Variants in NALF1 observed in about 807,000 individuals in gnomAD.
NALF1 encodes NALCN channel auxiliary factor 1, also known as family with sequence similarity 155 member A.
A neutral mutation model predicts 48.4 loss-of-function variants in NALF1; 3 were observed. The ratio of observed to expected loss-of-function variants is 0.06; its 90% CI spans 0.03 to 0.16. The LOEUF is 0.16. NALF1 is among the 10% of genes least tolerant of loss of function. NALF1 has a pLI of 1.00. For missense variants in NALF1, 526 were observed against 571.5 expected, an observed-to-expected ratio of 0.92 and a Z score of 0.81; for synonymous variants, 262 against 245.7, an observed-to-expected ratio of 1.07 and a Z score of -0.62.
chr13:107,232,781 T>C (rs919785043), intron 1 of NALF1, among the ~76,000 whole-genome samples: 3 of 152,176 alleles, frequency 2.0e-5, no homozygotes, highest in African/African-American at 4.8e-5. Flanking sequence ...AAGCAAAAGA[T>C]AAAAAGAGCC....
chr13:107,659,912 T>C (rs915746328), intron 1 of NALF1, among the ~76,000 whole-genome samples: 1 of 151,838 alleles, frequency 6.6e-6, no homozygotes, highest in African/African-American at 2.4e-5. Context: ...TTTGTATTTT[T>C]AGTAGAGACG....
intron 1 of NALF1, among the ~76,000 whole-genome samples, chr13:107,236,354 A>T (rs1339285717): frequency 6.6e-6 from 1 of 152,072 alleles, no homozygotes; most frequent in African/African-American, 2.4e-5. Context: ...GTAACTTTCA[A>T]ATGTTCCAGA....
At chr13:107,545,405 C>T in intron 1 of NALF1, among the ~76,000 whole-genome samples, 1 of 152,162 alleles carries the variant, frequency 6.6e-6, no homozygotes, top group Non-Finnish European at 1.5e-5. Context: ...CCTTCAGAAG[C>T]AGGAGAGAAT....
At chr13:107,431,308 G>T in intron 1 of NALF1, among the ~76,000 whole-genome samples, 1 of 152,016 alleles carries the variant, frequency 6.6e-6, no homozygotes. Flanking sequence ...AAGATGAGTG[G>T]GTCTCTCCGT....
rs533479562 is a variant in NALF1 at position 107,348,517 on chromosome 13, C to A, written c.916-137762G>T. Among the ~76,000 whole-genome samples the A allele has an allele frequency of 2.0e-4, 31 of 152,134 alleles. 1 individual carries two copies. In the South Asian group the frequency reaches 6.2e-3, roughly 31 times the overall value. The stretch of plus-strand genomic sequence containing the variant: ...GGTATACATGTGCCATGGTGGCTTG[C>A]TGCACCTATCAACCTGTCGTCTAGG... On this transcript the variant is annotated intron_variant, in intron 1 of 2. Coordinates refer to ENST00000375915, the MANE Select transcript of NALF1 (RefSeq NM_001080396.3).
chr13:107,865,378 G>GA (rs1594321991), intron 1 of NALF1, among the ~76,000 whole-genome samples: 1 of 152,092 alleles, frequency 6.6e-6, no homozygotes. Flanking sequence ...TTTCTTAAAA[G>GA]ATGTAACAGA....
chr13:107,441,133 T>C (rs1450501436), intron 1 of NALF1, among the ~76,000 whole-genome samples: 5 of 152,168 alleles, frequency 3.3e-5, no homozygotes, highest in Non-Finnish European at 5.9e-5. Context: ...TTAAAAAATA[T>C]CAGACTGACT....
intron 1 of NALF1, among the ~76,000 whole-genome samples, chr13:107,533,308 T>C (rs1425045386): frequency 6.6e-6 from 1 of 152,082 alleles, no homozygotes; most frequent in Non-Finnish European, 1.5e-5. Context: ...CCTCCAAAAT[T>C]CATGTTAAAA....
intron 1 of NALF1, among the ~76,000 whole-genome samples, chr13:107,283,460 A>AT (rs1881428221): frequency 6.6e-6 from 1 of 151,096 alleles, no homozygotes; most frequent in Non-Finnish European, 1.5e-5. Context: ...TAAAAAAAAA[A>AT]ATTGGCAACA....
At chr13:107,662,840 T>C (rs774842192) in intron 1 of NALF1, among the ~76,000 whole-genome samples, 7 of 152,200 alleles carry the variant, frequency 4.6e-5, no homozygotes, top group East Asian at 1.9e-4. Context: ...ATGTTTACAA[T>C]TGAAAGACTA....
At chr13:107,855,744 A>G (rs1277028433) in intron 1 of NALF1, among the ~76,000 whole-genome samples, 3 of 152,334 alleles carry the variant, frequency 2.0e-5, no homozygotes, top group Middle Eastern at 3.4e-3. Flanking sequence ...ATACTTACCT[A>G]TGAGAATGTT....
chr13:107,344,950 A>G (rs963964745), intron 1 of NALF1, among the ~76,000 whole-genome samples: 1 of 152,176 alleles, frequency 6.6e-6, no homozygotes, highest in African/African-American at 2.4e-5. Flanking sequence ...CTACCAAAAA[A>G]ATTGTTAGAA....
intron 1 of NALF1, among the ~76,000 whole-genome samples, chr13:107,301,806 A>G (rs1279037045): frequency 6.6e-6 from 1 of 152,218 alleles, no homozygotes; most frequent in African/African-American, 2.4e-5. Flanking sequence ...AACAAAAACA[A>G]TAAGAAAAAC....
intron 1 of NALF1, among the ~76,000 whole-genome samples, chr13:107,636,382 A>G (rs9520532): frequency 0.59 from 89,692 of 151,554 alleles, 28,481 homozygotes; most frequent in East Asian, 0.99. Flanking sequence ...TACCAATACT[A>G]TAGAACTCAC....
intron 1 of NALF1, among the ~76,000 whole-genome samples, chr13:107,345,322 A>C (rs1882752900): frequency 6.6e-6 from 1 of 152,154 alleles, no homozygotes; most frequent in Admixed American, 6.6e-5. Flanking sequence ...ATTCATATGG[A>C]ATCTGGAAGG....
intron 1 of NALF1, among the ~76,000 whole-genome samples, chr13:107,555,170 G>C (rs1877423112): frequency 6.6e-6 from 1 of 151,956 alleles, no homozygotes; most frequent in African/African-American, 2.4e-5. Context: ...CGAACCACGA[G>C]AATAGGGCTC....
chr13:107,224,415 A>T, intron 1 of NALF1, among the ~76,000 whole-genome samples: 1 of 149,308 alleles, frequency 6.7e-6, no homozygotes. Flanking sequence ...TTTTTGAATT[A>T]TGTATATAAT....
chr13:107,727,210 G>GAAT (rs1555321416), intron 1 of NALF1, among the ~76,000 whole-genome samples: 1 of 149,806 alleles, frequency 6.7e-6, no homozygotes, highest in Non-Finnish European at 1.5e-5. Flanking sequence ...AGCTTGCCAT[G>GAAT]AAAAAAAAAT....
chr13:107,639,311 C>A (rs879880285), intron 1 of NALF1, among the ~76,000 whole-genome samples: 1 of 152,000 alleles, frequency 6.6e-6, no homozygotes, highest in Non-Finnish European at 1.5e-5. Flanking sequence ...TGATCCCTGC[C>A]AACTTTTTCA....
Sources: allele counts gnomAD v4.1 joint callset (sites outside exome capture counted in the v4.1 genomes callset), GRCh38; gene constraint gnomAD v4.1.1; transcripts MANE v1.5; gene names NCBI Gene and HGNC (gene_info 2026-07-23, HGNC 2026-07-21).